RYR3: variants seen among roughly 807,000 people sequenced by gnomAD.
The protein encoded by RYR3 is brain ryanodine receptor-calcium release channel.
A neutral mutation model predicts 584.3 loss-of-function variants in RYR3; 207 were observed. The observed-to-expected ratio is 0.35, with a 90% CI of 0.32 to 0.40. The LOEUF (loss-of-function observed/expected upper bound fraction) is 0.40. Ranked by LOEUF, RYR3 falls within the 10% of genes least tolerant of loss-of-function variation. RYR3 has a pLI of 1.00. For synonymous variants in RYR3, 2,416 were observed against 2,248.5 expected (o/e 1.07, Z -2.11); for missense variants, 5,616 against 6,089.2 (o/e 0.92, Z 2.59).
intron 3 of RYR3, among the ~76,000 whole-genome samples, chr15:33,518,980 C>G (rs2053758796): frequency 6.6e-6 from 1 of 152,236 alleles, no homozygotes; most frequent in Non-Finnish European, 1.5e-5. Flanking sequence ...AACATAAGAT[C>G]AGAGCTGACT....
chr15:33,735,532 T>C (rs1046645561), intron 48 of RYR3, among the ~76,000 whole-genome samples: 11 of 152,350 alleles, frequency 7.2e-5, no homozygotes, highest in African/African-American at 2.4e-4. Flanking sequence ...TGTTTATGTG[T>C]GTACACCTTT....
intron 10 of RYR3, among the ~76,000 whole-genome samples, chr15:33,551,563 T>C (rs1197134316): frequency 2.0e-5 from 3 of 152,208 alleles, no homozygotes; most frequent in Non-Finnish European, 2.9e-5. Context: ...TTTTTCTCTT[T>C]AATATTGCCC....
At chr15:33,671,588 C>T (rs957252584) in intron 38 of RYR3, among the ~76,000 whole-genome samples, 1 of 152,054 alleles carries the variant, frequency 6.6e-6, no homozygotes, top group Non-Finnish European at 1.5e-5. Context: ...GCAATGGCAA[C>T]CCTTGATAGG....
intron 1 of RYR3, among the ~76,000 whole-genome samples, chr15:33,471,374 G>T (rs1289209804): frequency 1.3e-5 from 2 of 152,118 alleles, no homozygotes; most frequent in South Asian, 2.1e-4. Flanking sequence ...AATTAAATCA[G>T]GGCAGGTTAT....
rs1168630836 is a variant in RYR3 at position 33,565,684 on chromosome 15, G to A, written c.1147-994G>A. Among the ~76,000 whole-genome samples the A allele has an allele frequency of 5.3e-5, 8 of 152,242 alleles. No individual in the cohort carries two copies. In the East Asian group the frequency reaches 1.5e-3, roughly 29 times the overall value. ...AAGAGGAAACCATGCCAGTGAACTT[G>A]GATCAGGATTTGACCTTGACTTGAA... On this transcript the variant is annotated intron_variant, in intron 11 of 103. Transcript: ENST00000634891.
chr15:33,740,092 C>T lies in RYR3; in HGVS notation c.7820+97C>T, dbSNP rs1596376779. The T allele has an allele frequency of 8.7e-6, 9 of 1,031,732 alleles. No homozygotes were observed. In the South Asian group the frequency reaches 1.2e-4, roughly 14 times the overall value. 63.9% of individuals were successfully genotyped at this position (1,031,732 alleles called of 1,614,324 possible). A position where few individuals can be genotyped will look rare whatever the true frequency, so the allele number is the denominator to read the frequency against. On this transcript the variant is annotated intron_variant, in intron 51 of 103. Coordinates refer to ENST00000634891, the MANE Select transcript of RYR3 (RefSeq NM_001036.6). ...CAAGAAATGTGAGCTTTACCTCTTT[C>T]CCTCCTGCCAACACTGTTCATCATT...
At chr15:33,547,382 C>G (rs552007459) in intron 8 of RYR3, among the ~76,000 whole-genome samples, 1 of 152,234 alleles carries the variant, frequency 6.6e-6, no homozygotes, top group African/African-American at 2.4e-5. Flanking sequence ...AGGTGAAATT[C>G]AAATAAAGTC....
At chr15:33,652,223 C>G (rs1470775118) in intron 31 of RYR3, among the ~76,000 whole-genome samples, 1 of 152,128 alleles carries the variant, frequency 6.6e-6, no homozygotes, top group Admixed American at 6.5e-5. Flanking sequence ...GTAGGGAGCC[C>G]AGGCCGGCCA....
Position 33,722,982 on chromosome 15 carries a change from G to C in RYR3, c.6800+87G>C. 2.5e-6 allele frequency: 3 copies of C among 1,201,904 alleles called. 1 individual carries two copies. The highest frequency in any genetic ancestry group is 3.5e-6 in the Non-Finnish European group (3 of 854,696). The allele number at this position is 1,201,904 out of a possible 1,614,324, so 74.5% of individuals were successfully genotyped here. A position where few individuals can be genotyped will look rare whatever the true frequency, so the allele number is the denominator to read the frequency against. On this transcript the variant is annotated intron_variant, in intron 44 of 103. Transcript: ENST00000634891. ...TATACGGATGATTTAGGAGGTAATA[G>C]AGAAAGCACATGTTCTTAACAGTTA...
Position 33,543,714 on chromosome 15 carries a change from A to C in RYR3, c.739A>C (p.Arg247=). ...TACAGACCAGAATGATTCCCAGCAC[A>C]GGTAAGTCAGTAGCTGCATTCTTCC... The part of the protein sequence containing the change: ...PSTDQNDSQH[R]RIFYEAGGAG... The change falls in exon 8 of 104, where the codon AGG becomes CGG. Residue 247 remains arginine (R), a splice_region_variant and synonymous_variant. Coordinates refer to ENST00000634891, the MANE Select transcript of RYR3 (RefSeq NM_001036.6). The C allele has an allele frequency of 1.9e-6, 3 of 1,595,624 alleles. No homozygotes were observed. Among genetic ancestry groups the C allele is most frequent in the Non-Finnish European group, 2.6e-6 (3 of 1,163,370 alleles).
chr15:33,362,446 T>C (rs543991288), intron 1 of RYR3, among the ~76,000 whole-genome samples: 4 of 152,294 alleles, frequency 2.6e-5, no homozygotes, highest in African/African-American at 9.6e-5. Flanking sequence ...AGCATCAGCA[T>C]CATCAGCATC....
chr15:33,705,524 G>A (rs915103230), intron 42 of RYR3, among the ~76,000 whole-genome samples: 1 of 152,202 alleles, frequency 6.6e-6, no homozygotes, highest in Non-Finnish European at 1.5e-5. Context: ...TATCAAAGGT[G>A]AAATTAGAAT....
intron 60 of RYR3, among the ~76,000 whole-genome samples, chr15:33,762,451 A>G (rs2072549423): frequency 6.6e-6 from 1 of 152,228 alleles, no homozygotes; most frequent in African/African-American, 2.4e-5. Flanking sequence ...AGGCATTCCT[A>G]TACACCAATA....
intron 65 of RYR3, among the ~76,000 whole-genome samples, chr15:33,782,530 C>G (rs117957421): frequency 1.3e-5 from 2 of 152,214 alleles, no homozygotes; most frequent in East Asian, 3.9e-4. Context: ...GGATGCTGAC[C>G]GTGTATATGG....
chr15:33,446,483 G>T (rs2046678362), intron 1 of RYR3, among the ~76,000 whole-genome samples: 2 of 152,304 alleles, frequency 1.3e-5, no homozygotes, highest in South Asian at 4.1e-4. Context: ...GGTGTCAACA[G>T]ATTTGGTTTC....
intron 60 of RYR3, 99 bp from the exon 61 acceptor site, chr15:33,768,559 C>T: frequency 9.9e-7 from 1 of 1,008,956 alleles, no homozygotes; most frequent in Admixed American, 1.7e-5. Flanking sequence ...CCACTCTGTG[C>T]TCTCTGTTTC....
intron 18 of RYR3, among the ~76,000 whole-genome samples, chr15:33,608,049 C>T (rs2059993955): frequency 6.6e-6 from 1 of 152,236 alleles, no homozygotes; most frequent in Middle Eastern, 3.2e-3. Context: ...CCCTTGACCA[C>T]TACGATAAAC....
chr15:33,549,319 A>G (rs965287628), intron 9 of RYR3, among the ~76,000 whole-genome samples: 4 of 152,222 alleles, frequency 2.6e-5, no homozygotes, highest in Admixed American at 6.5e-5. Context: ...AGACCTAAAC[A>G]TGAAGAATTC....
rs776257846 is a variant in RYR3 at position 33,562,988 on chromosome 15, G to A, written c.1124G>A (p.Arg375His). 32 of 1,609,320 alleles carry A rather than the reference G, an allele frequency of 2.0e-5. No homozygotes were observed. The highest frequency in any genetic ancestry group is 6.7e-5 in the East Asian group (3 of 44,794). ...AAAGCACAAGACGCCAAAACTTCCCGCCTGGGACCTCTAAAAAGAAAGGTG... is the reference window on the plus strand; with the variant it reads ...AAAGCACAAGACGCCAAAACTTCCCACCTGGGACCTCTAAAAAGAAAGGTG... ...TYKAQDAKTS[R>H]LGPLKRKVIL... The change falls in exon 11 of 104, where the codon CGC becomes CAC. Residue 375 changes from arginine (R) to histidine (H), a missense_variant. Arg to His is a conservative substitution (Grantham distance 29). This residue lies in a region of RYR3 where 1,284 missense variants were observed against 1,344.6 expected (regional missense o/e 0.95). Coordinates refer to ENST00000634891, the MANE Select transcript of RYR3 (RefSeq NM_001036.6).
Sources: gnomAD v4.1 joint callset for allele counts (sites outside exome capture counted in the v4.1 genomes callset) on GRCh38, gnomAD v4.1.1 for gene constraint, gnomAD v4.1.1 regional missense constraint, MANE v1.5 for transcripts, NCBI Gene and HGNC (gene_info 2026-07-23, HGNC 2026-07-21) for gene names.